Variants in ERAP1 observed in about 807,000 individuals in gnomAD.
ERAP1 encodes endoplasmic reticulum aminopeptidase 1.
Under a neutral mutation model 103.7 loss-of-function variants are expected in ERAP1, and 86 were observed. That is an observed-to-expected ratio of 0.83 (90% CI 0.70 to 0.99). The LOEUF (loss-of-function observed/expected upper bound fraction) is 0.99. ERAP1 is among the 50% of genes least tolerant of loss of function. ERAP1 has a pLI of 0.00. For synonymous variants in ERAP1, 398 were observed against 402.4 expected (o/e 0.99, Z 0.13); for missense variants, 1,009 against 1,128.4 (o/e 0.89, Z 1.52).
rs546937605 is a variant in ERAP1 at position 96,776,097 on chromosome 5, C to T, written c.*299G>A. On this transcript the variant is annotated 3_prime_UTR_variant, in exon 19 of 19. Coordinates refer to ENST00000443439, the MANE Select transcript of ERAP1 (RefSeq NM_001040458.3). ...AACATGGGGTACAGGGTTTTGGACA[C>T]GGGTGCTTAAGCATAAACTATAAAA... 344 of 1,320,316 alleles carry T rather than the reference C, an allele frequency of 2.6e-4. 1 individual carries two copies. Among genetic ancestry groups the T allele is most frequent in the South Asian group, 2.4e-4 (18 of 74,720 alleles). 81.8% of individuals were successfully genotyped at this position (1,320,316 alleles called of 1,614,324 possible). A position where few individuals can be genotyped will look rare whatever the true frequency, so the allele number is the denominator to read the frequency against.
chr5:96,925,445 T>C, the ERAP1 span, among the ~76,000 whole-genome samples: 1 of 152,220 alleles, frequency 6.6e-6, no homozygotes, highest in African/African-American at 2.4e-5. Context: ...CTGCCCTTCA[T>C]TTACCCTGTA....
At chr5:96,934,319 G>A in the ERAP1 span, 1 of 152,178 alleles carries the variant, frequency 6.6e-6, no homozygotes, top group Non-Finnish European at 1.5e-5. Flanking sequence ...GTCAGACAAG[G>A]GTTCTTTGCA....
At chr5:96,923,085 T>C in the ERAP1 span, among the ~76,000 whole-genome samples, 8 of 152,224 alleles carry the variant, frequency 5.3e-5, no homozygotes, top group African/African-American at 1.9e-4. Flanking sequence ...GTGATCCTCC[T>C]GCTTCAGCTT....
At chr5:96,808,146 G>C (rs965131996), upstream of ERAP1, 7 of 985,210 alleles carry the variant, frequency 7.1e-6, no homozygotes, top group African/African-American at 1.2e-4. Context: ...GCGATGCGGG[G>C]GATCAGGCGT....
chr5:96,931,219 T>G, the ERAP1 span, among the ~76,000 whole-genome samples: 1 of 151,840 alleles, frequency 6.6e-6, no homozygotes, highest in South Asian at 2.1e-4. Context: ...TGCAGTGGTG[T>G]GATCTTGGCT....
the ERAP1 span, among the ~76,000 whole-genome samples, chr5:96,922,509 T>C: frequency 6.6e-6 from 1 of 152,210 alleles, no homozygotes; most frequent in Non-Finnish European, 1.5e-5. Flanking sequence ...TCTTCAGATG[T>C]AGAGCCAAAG....
the ERAP1 span, among the ~76,000 whole-genome samples, chr5:96,929,584 C>T: frequency 4.6e-5 from 7 of 151,980 alleles, no homozygotes; most frequent in Admixed American, 3.9e-4. Context: ...TGGCTCACTG[C>T]AACCTCTGCC....
chr5:96,932,048 T>G, the ERAP1 span, among the ~76,000 whole-genome samples: 2 of 152,252 alleles, frequency 1.3e-5, no homozygotes, highest in Non-Finnish European at 2.9e-5. Flanking sequence ...TGCGTTTTTT[T>G]GCTAATGCCT....
the ERAP1 span, among the ~76,000 whole-genome samples, chr5:96,863,489 T>C: frequency 6.6e-6 from 1 of 152,204 alleles, no homozygotes; most frequent in Non-Finnish European, 1.5e-5. Context: ...CACTTTTTCA[T>C]GAAATTCTCT....
Position 96,800,871 on chromosome 5 carries a change from A to G in ERAP1, c.654T>C (p.Asn218=). ...AGGAGTGCAGACTCACCAATGGCAT[A>G]TTGGAGATGGCTAGGTGCCTTGGCT... ...RREPRHLAIS[N]MPLVKSVTVA... is the part of the protein sequence containing the mutation. The change falls in exon 3 of 19, where the codon AAT becomes AAC. Residue 218 remains asparagine (N), a synonymous_variant. Coordinates refer to ENST00000443439, the MANE Select transcript of ERAP1 (RefSeq NM_001040458.3). 6.2e-7 allele frequency: 1 copy of G among 1,614,146 alleles called. No individual in the cohort carries two copies. Among genetic ancestry groups the G allele is most frequent in the Non-Finnish European group, 8.5e-7 (1 of 1,180,012 alleles).
At chr5:96,873,389 A>G in the ERAP1 span, 1 of 456,102 alleles carries the variant, frequency 2.2e-6, no homozygotes, top group African/African-American at 2.0e-5. Context: ...CTGAGGAAGA[A>G]AACGAAACAC....
the ERAP1 span, among the ~76,000 whole-genome samples, chr5:96,861,564 T>C: frequency 7.9e-5 from 12 of 152,222 alleles, no homozygotes; most frequent in Admixed American, 7.9e-4. Flanking sequence ...ATGTTTCCTC[T>C]GATGCTGTGG....
At chr5:96,823,014 G>T in the ERAP1 span, 1 of 455,952 alleles carries the variant, frequency 2.2e-6, no homozygotes, top group Non-Finnish European at 4.4e-6. Context: ...AAGGTTGTAG[G>T]ACAGAGCACT....
chr5:96,864,550 T>A, the ERAP1 span, among the ~76,000 whole-genome samples: 1 of 152,204 alleles, frequency 6.6e-6, no homozygotes, highest in Non-Finnish European at 1.5e-5. Flanking sequence ...CAACACATGA[T>A]AAACAGAAGT....
At chr5:96,928,400 G>C in the ERAP1 span, among the ~76,000 whole-genome samples, 1 of 152,194 alleles carries the variant, frequency 6.6e-6, no homozygotes, top group African/African-American at 2.4e-5. Context: ...TACTGGAGTA[G>C]GGTGGGCTTC....
At chr5:96,807,080 C>T (rs923890264) in intron 1 of ERAP1, among the ~76,000 whole-genome samples, 12 of 152,152 alleles carry the variant, frequency 7.9e-5, no homozygotes, top group African/African-American at 2.9e-4. Context: ...ACCTAGCCTA[C>T]ACAAAGAAAT....
the ERAP1 span, among the ~76,000 whole-genome samples, chr5:96,852,377 C>A: frequency 6.6e-6 from 1 of 152,258 alleles, no homozygotes; most frequent in Admixed American, 6.5e-5. Flanking sequence ...AGTACAGAAA[C>A]CCTGATGTCT....
At chr5:96,761,038 A>C (rs541511900) in exon 20 of ERAP1, 26 of 152,254 alleles carry the variant, frequency 1.7e-4, no homozygotes, top group African/African-American at 6.0e-4. Context: ...CAAAGCATAG[A>C]TCAATGAAAA....
the ERAP1 span, chr5:96,880,177 G>A: frequency 6.2e-7 from 1 of 1,613,950 alleles, no homozygotes; most frequent in African/African-American, 1.3e-5. Flanking sequence ...AATACTATGT[G>A]GCTATGGACT....
Sources: gnomAD v4.1 joint callset for allele counts (sites outside exome capture counted in the v4.1 genomes callset) on GRCh38, gnomAD v4.1.1 for gene constraint, MANE v1.5 for transcripts, NCBI Gene and HGNC (gene_info 2026-07-23, HGNC 2026-07-21) for gene names.